The following GOLM1 variants were observed in gnomAD, a reference collection of about 807,000 sequenced individuals.
GOLM1 encodes golgi membrane protein 1.
A neutral mutation model predicts 50.5 loss-of-function variants in GOLM1; 31 were observed. The ratio of observed to expected loss-of-function variants is 0.61; its 90% CI spans 0.46 to 0.83. The LOEUF (loss-of-function observed/expected upper bound fraction) is 0.83. Ranked by LOEUF, GOLM1 falls within the 40% of genes least tolerant of loss-of-function variation. GOLM1 has a pLI of 0.00. For missense variants in GOLM1, 491 were observed against 501.3 expected (o/e 0.98, Z 0.20); for synonymous variants, 178 against 192.8 (o/e 0.92, Z 0.64).
chr9:86,036,357 C>T lies in GOLM1; in HGVS notation c.748G>A (p.Val250Ile). ...GCTGGGCTCTGCTTACCTTTCTCAA[C>T]TTGTCTCTTTGAATCCAAAACCACT... is the stretch of plus-strand genomic sequence containing the variant. The part of the protein sequence containing the change: ...SEVVLDSKRQ[V>I]EKEETNEIQV... Residue 250 changes from valine (V) to isoleucine (I), a missense_variant, in exon 7 of 10, where the codon GTT becomes ATT. Transcript: ENST00000388712. 6.2e-7 allele frequency: 1 copy of T among 1,614,256 alleles called. No homozygotes were observed. Among genetic ancestry groups the T allele is most frequent in the Non-Finnish European group, 8.5e-7 (1 of 1,180,042 alleles).
chr9:86,027,678 C>T lies in GOLM1; in HGVS notation c.*139G>A. 6.3e-6 allele frequency: 9 copies of T among 1,419,468 alleles called. No individual in the cohort carries two copies. Among genetic ancestry groups the T allele is most frequent in the Non-Finnish European group, 8.3e-6 (9 of 1,087,594 alleles). 87.9% of individuals were successfully genotyped at this position (1,419,468 alleles called of 1,614,324 possible). On this transcript the variant is annotated 3_prime_UTR_variant, in exon 10 of 10. Coordinates refer to ENST00000388712, the MANE Select transcript of GOLM1 (RefSeq NM_016548.4). Reference sequence around the variant, plus strand: ...ATTCCATTTTTTCCTACACAAAGTGCATACTAAAATTTCACAATAATCATC... The same window carrying T: ...ATTCCATTTTTTCCTACACAAAGTGTATACTAAAATTTCACAATAATCATC...
Position 86,027,165 on chromosome 9 carries a change from T to C in GOLM1, c.*652A>G. 2.6e-5 allele frequency: 26 copies of C among 985,428 alleles called. No individual in the cohort carries two copies. The highest frequency in any genetic ancestry group is 3.1e-5 in the Non-Finnish European group (26 of 829,900). 61.0% of individuals were successfully genotyped at this position (985,428 alleles called of 1,614,324 possible). ...TCAAATTCTAAGCCACTTAATAGCGTTTTGTACATTAAAAATGACAAGGGT... is the reference window on the plus strand; with the variant it reads ...TCAAATTCTAAGCCACTTAATAGCGCTTTGTACATTAAAAATGACAAGGGT... On this transcript the variant is annotated 3_prime_UTR_variant, in exon 10 of 10. Coordinates refer to ENST00000388712, the MANE Select transcript of GOLM1 (RefSeq NM_016548.4).
At chr9:86,064,201 A>G (rs1241780883) in intron 3 of GOLM1, among the ~76,000 whole-genome samples, 1 of 152,188 alleles carries the variant, frequency 6.6e-6, no homozygotes. Flanking sequence ...GTGGGAAGCA[A>G]ATTACTTGAG....
rs1357823302 is a variant in GOLM1 at position 86,058,695 on chromosome 9, C to A, written c.310-6104G>T. ...TGGGCAACAGAGCAAGACTCTGTCT[C>A]AAAAAAAAAAAAAAAAATAGCCAGG... On this transcript the variant is annotated intron_variant, in intron 3 of 9. Coordinates refer to ENST00000388712, the MANE Select transcript of GOLM1 (RefSeq NM_016548.4). 8.9e-3 allele frequency among the ~76,000 whole-genome samples: 902 copies of A among 100,968 alleles called. 10 individuals are homozygous for A. The highest frequency in any genetic ancestry group is 0.031 in the African/African-American group (729 of 23,760). 66.2% of individuals were successfully genotyped at this position (100,968 alleles called of 152,430 possible).
chr9:86,066,591 T>G (rs1055596928), intron 3 of GOLM1, among the ~76,000 whole-genome samples: 18 of 152,240 alleles, frequency 1.2e-4, no homozygotes, highest in Admixed American at 3.3e-4. Context: ...CTCTGCAATA[T>G]TAATGCACAT....
intron 4 of GOLM1, among the ~76,000 whole-genome samples, chr9:86,048,224 T>C (rs1402874125): frequency 3.3e-5 from 5 of 152,148 alleles, no homozygotes; most frequent in African/African-American, 1.2e-4. Context: ...TATGGCTGCA[T>C]AGTATTCCAT....
At chr9:86,069,753 C>T (rs568629684) in intron 3 of GOLM1, among the ~76,000 whole-genome samples, 33 of 152,186 alleles carry the variant, frequency 2.2e-4, no homozygotes, top group African/African-American at 6.0e-4. Context: ...ATCTTTATCT[C>T]GCAACACTCT....
intron 4 of GOLM1, among the ~76,000 whole-genome samples, chr9:86,049,643 G>C (rs1564345611): frequency 6.6e-6 from 1 of 152,180 alleles, no homozygotes; most frequent in Non-Finnish European, 1.5e-5. Flanking sequence ...TTGTGAATGG[G>C]AGTTCACTCA....
At chr9:86,042,275 C>T (rs1587702764) in intron 5 of GOLM1, among the ~76,000 whole-genome samples, 1 of 152,166 alleles carries the variant, frequency 6.6e-6, no homozygotes, top group East Asian at 1.9e-4. Flanking sequence ...AATAAGAATA[C>T]TAAGGGGTGA....
At chr9:86,054,421 A>G (rs928980160) in intron 3 of GOLM1, among the ~76,000 whole-genome samples, 7 of 152,036 alleles carry the variant, frequency 4.6e-5, no homozygotes, top group African/African-American at 9.7e-5. Context: ...ATGGGGTTTC[A>G]CCATGTTGGC....
intron 8 of GOLM1, 162 bp downstream of exon 8, chr9:86,035,206 T>A (rs1173931488): frequency 1.0e-6 from 1 of 985,364 alleles, no homozygotes; most frequent in Non-Finnish European, 1.2e-6. Flanking sequence ...TGCCTCCCTC[T>A]TGATAACGAA....
At chr9:86,040,654 G>C in intron 6 of GOLM1, 85 bp downstream of exon 6, 5 of 1,330,438 alleles carry the variant, frequency 3.8e-6, no homozygotes, top group Non-Finnish European at 4.2e-6. Context: ...AGAATCCAGA[G>C]AAAGCCAGGC....
intron 1 of GOLM1, among the ~76,000 whole-genome samples, chr9:86,096,528 G>A (rs552013487): frequency 5.6e-4 from 85 of 152,294 alleles, no homozygotes; most frequent in African/African-American, 1.8e-3. Flanking sequence ...GACCTACCAA[G>A]TCAGAGGTCT....
At chr9:86,075,480 AGGCACC>A in intron 3 of GOLM1, among the ~76,000 whole-genome samples, 1 of 152,192 alleles carries the variant, frequency 6.6e-6, no homozygotes, top group East Asian at 1.9e-4. Context: ...CAATCCTCAC[AGGCACC>A]CTGTGAGATT....
rs183039974 is a variant in GOLM1 at position 86,088,608 on chromosome 9, C to T, written c.-21-9267G>A. On this transcript the variant is annotated intron_variant, in intron 1 of 9. Transcript: ENST00000388712. ...TTTTTTGTTTTGTTTTTTTGCTTTC[C>T]GTTGCTTGGTAATATTCTTCCATCC... Among the ~76,000 whole-genome samples, 708 of 142,696 alleles carry T rather than the reference C, an allele frequency of 5.0e-3. 5 individuals are homozygous for T. The highest frequency in any genetic ancestry group is 8.5e-3 in the South Asian group (38 of 4,476). 93.6% of individuals were successfully genotyped at this position (142,696 alleles called of 152,430 possible). A position where few individuals can be genotyped will look rare whatever the true frequency, so the allele number is the denominator to read the frequency against.
intron 4 of GOLM1, among the ~76,000 whole-genome samples, chr9:86,050,447 GCT>G (rs940076115): frequency 1.3e-5 from 2 of 152,026 alleles, no homozygotes; most frequent in Non-Finnish European, 2.9e-5. Context: ...AATGGTACCA[GCT>G]CTTTGTACCT....
At chr9:86,053,558 C>CCACTTCACACCAA (rs1833860960) in intron 3 of GOLM1, among the ~76,000 whole-genome samples, 19 of 538 alleles carry the variant, frequency 0.035, 1 homozygote, top group Non-Finnish European at 0.23. Context: ...ACACACACTA[C>CCACTTCACACCAA]ACACACACAC....
At chr9:86,084,321 T>C (rs1293096733) in intron 1 of GOLM1, among the ~76,000 whole-genome samples, 1 of 152,246 alleles carries the variant, frequency 6.6e-6, no homozygotes, top group Non-Finnish European at 1.5e-5. Context: ...TGAAGAATTC[T>C]GGCAGATGCC....
intron 1 of GOLM1, among the ~76,000 whole-genome samples, chr9:86,098,912 A>T (rs1277586630): frequency 6.6e-6 from 1 of 152,130 alleles, no homozygotes; most frequent in African/African-American, 2.4e-5. Context: ...CGTGGACCCC[A>T]GGGCGGCCGG....
Sources: allele counts gnomAD v4.1 joint callset (sites outside exome capture counted in the v4.1 genomes callset), GRCh38; gene constraint gnomAD v4.1.1; transcripts MANE v1.5; gene names NCBI Gene and HGNC (gene_info 2026-07-23, HGNC 2026-07-21).